ABCA10: variants seen among roughly 807,000 people sequenced by gnomAD.
ABCA10 encodes the protein ATP binding cassette subfamily A member 10.
ABCA10 carries 169 observed loss-of-function variants against 187.5 expected under a neutral mutation model. The observed-to-expected ratio is 0.90, with a 90% confidence interval of 0.80 to 1.02. The LOEUF (loss-of-function observed/expected upper bound fraction) is 1.02, where lower values mean the gene tolerates loss of function less well. Ranked by LOEUF, ABCA10 falls within the 50% of genes least tolerant of loss-of-function variation. The pLI is 0.00. For missense variants in ABCA10, 1,727 were observed against 1,812.4 expected (o/e 0.95, Z 0.86); for synonymous variants, 574 against 601.8 (o/e 0.95, Z 0.68).
In ABCA10 at chr17:69,165,357, ATTTAT is replaced by A. The variant is rs373501554; in HGVS notation, c.3163-279_3163-275del. On this transcript the variant is annotated intron_variant, in intron 25 of 38. Coordinates refer to ENST00000690296, the MANE Select transcript of ABCA10 (RefSeq NM_001377321.1). ...CAATAAAAGAAGGTGATGTAACATT[ATTTAT>A]TTTGTCTATTATAATAAATCTTAAT... is the stretch of plus-strand genomic sequence containing the variant. Among the ~76,000 whole-genome samples, 12 of 152,314 alleles carry A rather than the reference ATTTAT, an allele frequency of 7.9e-5. No individual in the cohort carries two copies. In the East Asian group the frequency reaches 9.6e-4, roughly 12 times the overall value.
rs1212016214 is a variant in ABCA10 at position 69,193,802 on chromosome 17, G to A, written c.1521+12C>T. 6.2e-7 allele frequency: 1 copy of A among 1,607,756 alleles called. No individual in the cohort carries two copies. Among genetic ancestry groups the A allele is most frequent in the South Asian group, 1.1e-5 (1 of 89,058 alleles). ...TATTTCCAAAGCCATCAATCTTAAT[G>A]TGTTCCTGTACCTCTTGTTCCACTT... On this transcript the variant is annotated intron_variant, in intron 13 of 38. Transcript: ENST00000690296.
At chr17:69,197,184 C>T (rs570829371) in intron 10 of ABCA10, 62 bp from the exon 11 acceptor site, 2 of 1,285,736 alleles carry the variant, frequency 1.6e-6, no homozygotes, top group Middle Eastern at 1.9e-4. Flanking sequence ...ACACAGATTA[C>T]AGTTCATAAC....
intron 4 of ABCA10, among the ~76,000 whole-genome samples, chr17:69,222,224 G>C (rs1270753519): frequency 6.6e-6 from 1 of 151,806 alleles, no homozygotes; most frequent in Non-Finnish European, 1.5e-5. Context: ...TGTAGTCCCA[G>C]CTACTTTGGA....
chr17:69,160,724 C>T (rs1383823213), intron 27 of ABCA10, among the ~76,000 whole-genome samples: 1 of 152,130 alleles, frequency 6.6e-6, no homozygotes, highest in Non-Finnish European at 1.5e-5. Flanking sequence ...TGGCATACCA[C>T]CTCACATCCA....
At chr17:69,165,168 G>A in intron 25 of ABCA10, 85 bp from the exon 26 acceptor site, 1 of 1,152,898 alleles carries the variant, frequency 8.7e-7, no homozygotes, top group Non-Finnish European at 1.2e-6. Flanking sequence ...TGTTTTCCTG[G>A]GAGATACTGC....
In ABCA10 at chr17:69,153,372, TC is replaced by T. The variant is rs1262189935; in HGVS notation, c.4068del (p.Asn1357ThrfsTer7). 1.9e-6 allele frequency: 3 copies of T among 1,613,572 alleles called. No individual in the cohort carries two copies. Among genetic ancestry groups the T allele is most frequent in the Admixed American group, 1.7e-5 (1 of 59,956 alleles). The stretch of plus-strand genomic sequence containing the variant: ...TCATCTAGAAGCACCACTGATGGGT[TC>T]CCCAGGATGCTCAGCACAAAGCACA... ...RKLCFVLSIL[G>X]NPSVVLLDEP... On this transcript the variant is annotated frameshift_variant, in exon 34 of 39. Transcript: ENST00000690296. LOFTEE classifies it high-confidence loss of function.
In ABCA10 at chr17:69,156,848, T is replaced by C. The variant is rs1355635656; in HGVS notation, c.3439A>G (p.Lys1147Glu). Residue 1147 changes from lysine to glutamate, a missense_variant, in exon 28 of 39, where the codon AAA becomes GAA. By Grantham distance (56) the Lys-to-Glu change is moderately conservative. Transcript: ENST00000690296. ...EMKYGNEIMNKDPVFRISPRS... is the reference protein window; with the variant it reads ...EMKYGNEIMNEDPVFRISPRS... ...TTTCCCAACCTGAAAACTGGGTCTTTATTCATTATTTCATTTCCATACTTC... is the reference window on the plus strand; with the variant it reads ...TTTCCCAACCTGAAAACTGGGTCTTCATTCATTATTTCATTTCCATACTTC... 3 of 1,579,620 alleles carry C rather than the reference T, an allele frequency of 1.9e-6. No homozygotes were observed. The highest frequency in any genetic ancestry group is 2.6e-6 in the Non-Finnish European group (3 of 1,160,686).
At chr17:69,179,192 CAAA>C (rs1267939275) in intron 22 of ABCA10, among the ~76,000 whole-genome samples, 1 of 91,056 alleles carries the variant, frequency 1.1e-5, no homozygotes, top group Non-Finnish European at 2.7e-5. Context: ...CAAAAAAAAA[CAAA>C]AAAACAAAAC....
At chr17:69,182,497 A>C (rs1299754851) in intron 21 of ABCA10, among the ~76,000 whole-genome samples, 178 bp downstream of exon 21, 1 of 152,182 alleles carries the variant, frequency 6.6e-6, no homozygotes, top group Non-Finnish European at 1.5e-5. Flanking sequence ...ATTAACATTT[A>C]CTAACATGAA....
intron 6 of ABCA10, among the ~76,000 whole-genome samples, chr17:69,219,150 G>C (rs1316422407): frequency 6.6e-6 from 1 of 152,172 alleles, no homozygotes; most frequent in Non-Finnish European, 1.5e-5. Context: ...ACTGGCCCAA[G>C]AAGGAAGTGA....
chr17:69,182,435 C>CAAA, intron 21 of ABCA10, 145 bp from the exon 22 acceptor site: 2 of 969,474 alleles, frequency 2.1e-6, no homozygotes, highest in African/African-American at 1.7e-5. Context: ...TGAATTGGTA[C>CAAA]AAGAATGCAT....
At position 69,216,282 on chromosome 17, in the gene ABCA10, G is replaced by A. The variant is rs9909216; in HGVS notation, c.607C>T (p.Pro203Ser). Residue 203 changes from proline (P) to serine (S), a missense_variant, in exon 7 of 39, where the codon CCA (proline) becomes TCA (serine). By Grantham distance (74) the Pro-to-Ser change is moderately conservative (BLOSUM62 -1). Transcript: ENST00000690296. The stretch of plus-strand genomic sequence containing the variant: ...ATGAAGCCAGTATGAAATACAATTG[G>A]GATTGATGTTATGACCAGAGCCATA... ...IFMALVITSI[P>S]IVFHTGFMVI... is the part of the protein sequence containing the mutation. The A allele has an allele frequency of 0.64, 1,038,458 of 1,612,436 alleles. 337,943 individuals carry two copies. The highest frequency in any genetic ancestry group is 0.67 in the Middle Eastern group (4,064 of 6,044).
At chr17:69,150,165 A>T in intron 36 of ABCA10, 102 bp from the exon 37 acceptor site, 6 of 785,684 alleles carry the variant, frequency 7.6e-6, no homozygotes, top group South Asian at 1.9e-5. Flanking sequence ...TGTTCTTTAA[A>T]TAAGTGTCTG....
chr17:69,215,772 T>C (rs898225726), intron 8 of ABCA10, 43 bp downstream of exon 8: 1 of 1,400,926 alleles, frequency 7.1e-7, no homozygotes, highest in African/African-American at 1.5e-5. Flanking sequence ...AGAACATATT[T>C]TGAAAATCTA....
chr17:69,171,669 G>C (rs1362960803), intron 25 of ABCA10, among the ~76,000 whole-genome samples: 1 of 152,078 alleles, frequency 6.6e-6, no homozygotes, highest in African/African-American at 2.4e-5. Flanking sequence ...TGTAATGAAA[G>C]CTAAAGTCAG....
intron 9 of ABCA10, among the ~76,000 whole-genome samples, chr17:69,210,850 A>ATATATATATATATC (rs2074641149): frequency 3.4e-5 from 1 of 29,654 alleles, no homozygotes; most frequent in African/African-American, 7.0e-5. Flanking sequence ...TATGCCACAT[A>ATATATATATATATC]TATATATATA....
At position 69,193,128 on chromosome 17, in the gene ABCA10, C is replaced by G; in HGVS notation, c.1762G>C (p.Glu588Gln). The change falls in exon 15 of 39, where the codon GAG (glutamate) becomes CAG (glutamine). Residue 588 changes from glutamate to glutamine, a missense_variant. Coordinates refer to ENST00000690296, the MANE Select transcript of ABCA10 (RefSeq NM_001377321.1). Reference protein sequence around the residue: ...LILFSTQFMDEADILADRKVF... With the variant: ...LILFSTQFMDQADILADRKVF... ...GAATCACCAGCCAAGATGTCAGCCT[C>G]ATCCATGAATTGGGTACTGAAGAGG... is the stretch of plus-strand genomic sequence containing the variant. 6.2e-7 allele frequency: 1 copy of G among 1,609,230 alleles called. No individual in the cohort carries two copies. Among genetic ancestry groups the G allele is most frequent in the Non-Finnish European group, 8.5e-7 (1 of 1,178,166 alleles).
chr17:69,231,566 T>C (rs1483675760), upstream of ABCA10, among the ~76,000 whole-genome samples: 1 of 152,186 alleles, frequency 6.6e-6, no homozygotes, highest in Admixed American at 6.5e-5. Flanking sequence ...TCCGTGTATT[T>C]GTACCATTTC....
At chr17:69,214,602 A>G (rs773051855) in intron 9 of ABCA10, 102 bp downstream of exon 9, 1 of 1,046,988 alleles carries the variant, frequency 9.6e-7, no homozygotes. Context: ...TTTCTTCTCT[A>G]CTATCAGAAA....
Sources: gnomAD v4.1 joint callset for allele counts (sites outside exome capture counted in the v4.1 genomes callset) on GRCh38, gnomAD v4.1.1 for gene constraint, MANE v1.5 for transcripts, NCBI Gene and HGNC (gene_info 2026-07-23, HGNC 2026-07-21) for gene names.